The following CCSER1 variants were observed in gnomAD, a reference collection of about 807,000 sequenced individuals.
CCSER1 encodes serine-rich coiled-coil domain-containing protein 1.
Under a neutral mutation model 82.0 loss-of-function variants are expected in CCSER1, and 41 were observed. The observed-to-expected ratio is 0.50, with a 90% CI of 0.39 to 0.65. The LOEUF is 0.65. Among genes scored for constraint, CCSER1 ranks in the 30% least tolerant of loss-of-function variants. CCSER1 has a pLI of 0.00. For missense variants in CCSER1, 1,119 were observed against 1,064.2 expected (o/e 1.05, Z -0.72); for synonymous variants, 414 against 383.9 (o/e 1.08, Z -0.92).
rs766922724 is a variant in CCSER1, at chr4:91,603,947, C to A, written c.*4890C>A. 6.6e-6 allele frequency: 1 copy of A among 151,986 alleles called. No homozygotes were observed. Among genetic ancestry groups the A allele is most frequent in the Non-Finnish European group, 1.5e-5 (1 of 68,010 alleles). 9.4% of individuals were successfully genotyped at this position (151,986 alleles called of 1,614,324 possible). ...TCATAATCTCATCTAAACCTAATTA[C>A]TTCCCAAGCGCCCCAACTTCAAGCA... On this transcript the variant is annotated 3_prime_UTR_variant, in exon 11 of 11. Coordinates refer to ENST00000509176, the MANE Select transcript of CCSER1 (RefSeq NM_001145065.2).
At chr4:90,407,675 G>A (rs1483923075) in intron 4 of CCSER1, among the ~76,000 whole-genome samples, 1 of 152,174 alleles carries the variant, frequency 6.6e-6, no homozygotes, top group African/African-American at 2.4e-5. Context: ...TGGCCGAATA[G>A]GAACAGCTGC....
intron 3 of CCSER1, among the ~76,000 whole-genome samples, chr4:90,368,474 A>T (rs6848509): frequency 0.35 from 53,618 of 151,318 alleles, 10,055 homozygotes; most frequent in South Asian, 0.45. Flanking sequence ...TGTCTCCACA[A>T]AAGAAAAAAA....
intron 10 of CCSER1, among the ~76,000 whole-genome samples, chr4:91,468,762 A>T (rs1016559612): frequency 2.0e-5 from 3 of 152,016 alleles, no homozygotes. Context: ...AGAATTAATC[A>T]GTTTACTTGG....
chr4:90,851,600 G>A (rs1475557170), intron 8 of CCSER1, among the ~76,000 whole-genome samples: 2 of 135,400 alleles, frequency 1.5e-5, no homozygotes, highest in East Asian at 2.1e-4. Flanking sequence ...TTCCTGATCC[G>A]ACCTTTACCA....
intron 6 of CCSER1, among the ~76,000 whole-genome samples, chr4:90,637,925 TG>T (rs1177037616): frequency 6.6e-6 from 1 of 152,182 alleles, no homozygotes; most frequent in Non-Finnish European, 1.5e-5. Context: ...AGACCAAACT[TG>T]GAAAGTGTTT....
At chr4:90,148,353 G>T (rs367595869) in intron 1 of CCSER1, among the ~76,000 whole-genome samples, 2 of 152,064 alleles carry the variant, frequency 1.3e-5, no homozygotes, top group East Asian at 1.9e-4. Context: ...AATTTATTTA[G>T]AAAAGCCCAG....
intron 10 of CCSER1, among the ~76,000 whole-genome samples, chr4:91,387,842 ATTAAAC>A (rs1369030372): frequency 2.6e-5 from 4 of 152,234 alleles, no homozygotes; most frequent in African/African-American, 7.2e-5. Flanking sequence ...GAGCATTTAA[ATTAAAC>A]TTAAAAGACA....
At chr4:91,227,844 T>G (rs1738327241) in intron 10 of CCSER1, among the ~76,000 whole-genome samples, 1 of 152,020 alleles carries the variant, frequency 6.6e-6, no homozygotes, top group African/African-American at 2.4e-5. Context: ...AAGTTGAAAT[T>G]TTGTCAGTTT....
chr4:90,315,016 T>C (rs1017833166), intron 3 of CCSER1, among the ~76,000 whole-genome samples: 2 of 151,648 alleles, frequency 1.3e-5, no homozygotes, highest in Admixed American at 1.3e-4. Flanking sequence ...ACAGATAATT[T>C]TTGTATTTTT....
intron 10 of CCSER1, among the ~76,000 whole-genome samples, chr4:91,519,546 G>A (rs1046111395): frequency 9.9e-5 from 15 of 152,222 alleles, no homozygotes; most frequent in African/African-American, 3.4e-4. Flanking sequence ...CTGCAGCCAT[G>A]TGTGCCTGAG....
intron 5 of CCSER1, among the ~76,000 whole-genome samples, chr4:90,532,858 A>G (rs192968094): frequency 2.6e-5 from 4 of 152,068 alleles, no homozygotes; most frequent in South Asian, 4.1e-4. Context: ...TACTTCTCCC[A>G]AGTATCTATC....
intron 8 of CCSER1, among the ~76,000 whole-genome samples, chr4:90,917,742 T>G (rs1489730775): frequency 6.6e-6 from 1 of 152,148 alleles, no homozygotes; most frequent in Non-Finnish European, 1.5e-5. Flanking sequence ...AAAAATCTTT[T>G]ATTATTGACA....
intron 5 of CCSER1, among the ~76,000 whole-genome samples, chr4:90,556,825 G>T (rs1235459971): frequency 6.6e-6 from 1 of 150,716 alleles, no homozygotes; most frequent in Non-Finnish European, 1.5e-5. Flanking sequence ...AACTTACACT[G>T]TTCAAGGAAC....
At chr4:91,367,033 C>T (rs570082681) in intron 10 of CCSER1, among the ~76,000 whole-genome samples, 1 of 150,278 alleles carries the variant, frequency 6.7e-6, no homozygotes, top group South Asian at 2.1e-4. Flanking sequence ...GTGGCTCTTG[C>T]CTATAATCCT....
At chr4:91,149,346 T>C (rs937857508) in intron 10 of CCSER1, among the ~76,000 whole-genome samples, 1 of 152,184 alleles carries the variant, frequency 6.6e-6, no homozygotes, top group South Asian at 2.1e-4. Flanking sequence ...TCTCATAAAT[T>C]TGTTTAAGTT....
chr4:91,556,102 G>C (rs1473575745), intron 10 of CCSER1, among the ~76,000 whole-genome samples: 1 of 151,304 alleles, frequency 6.6e-6, no homozygotes, highest in Admixed American at 6.6e-5. Flanking sequence ...GTGTTTCATT[G>C]AGGAAAATGT....
intron 4 of CCSER1, among the ~76,000 whole-genome samples, chr4:90,410,146 C>G (rs904716764): frequency 6.6e-6 from 1 of 152,222 alleles, no homozygotes; most frequent in Admixed American, 6.5e-5. Context: ...ACTTAGTGAC[C>G]TACAAAGAGA....
intron 10 of CCSER1, among the ~76,000 whole-genome samples, chr4:91,498,478 G>T: frequency 6.6e-6 from 1 of 150,490 alleles, no homozygotes. Context: ...TAATTTTCAG[G>T]GTGACCTTGA....
intron 5 of CCSER1, among the ~76,000 whole-genome samples, chr4:90,519,644 T>C (rs900708961): frequency 6.6e-6 from 1 of 151,992 alleles, no homozygotes; most frequent in African/African-American, 2.4e-5. Flanking sequence ...AGAAAAATAA[T>C]GTAACTCCAC....
Sources: allele counts gnomAD v4.1 joint callset (sites outside exome capture counted in the v4.1 genomes callset), GRCh38; gene constraint gnomAD v4.1.1; transcripts MANE v1.5; gene names NCBI Gene and HGNC (gene_info 2026-07-23, HGNC 2026-07-21).